Variants in KIF13A observed in about 807,000 individuals in gnomAD.
KIF13A encodes the protein kinesin-like protein KIF13A.
In KIF13A, 79 loss-of-function variants were observed where a neutral mutation model predicts 212.2. The observed-to-expected ratio is 0.37, with a 90% confidence interval of 0.31 to 0.45. The LOEUF (loss-of-function observed/expected upper bound fraction) is 0.45, where lower values mean the gene tolerates loss of function less well. Ranked by LOEUF, KIF13A falls within the 20% of genes least tolerant of loss-of-function variation. KIF13A has a pLI of 1.00. For missense variants in KIF13A, 1,901 were observed against 2,209.0 expected, an observed-to-expected ratio of 0.86 and a Z score of 2.79; for synonymous variants, 789 against 808.6, an observed-to-expected ratio of 0.98 and a Z score of 0.41.
At chr6:17,958,157 C>T (rs949307488) in intron 2 of KIF13A, among the ~76,000 whole-genome samples, 15 of 152,194 alleles carry the variant, frequency 9.9e-5, no homozygotes, top group Non-Finnish European at 2.2e-4. Flanking sequence ...AATTATACCT[C>T]AGGCACAAGG....
chr6:17,979,861 C>T (rs920718758), intron 2 of KIF13A, among the ~76,000 whole-genome samples: 3 of 151,010 alleles, frequency 2.0e-5, no homozygotes, highest in African/African-American at 7.3e-5. Context: ...AAACATAAGG[C>T]TTGTAAGATG....
At chr6:17,970,489 C>A (rs779885160) in intron 2 of KIF13A, among the ~76,000 whole-genome samples, 1 of 152,064 alleles carries the variant, frequency 6.6e-6, no homozygotes, top group Non-Finnish European at 1.5e-5. Context: ...GAGAGGAGAT[C>A]CAATGGCAGT....
intron 2 of KIF13A, among the ~76,000 whole-genome samples, chr6:17,933,354 C>G (rs1776174943): frequency 6.6e-6 from 1 of 151,826 alleles, no homozygotes; most frequent in South Asian, 2.1e-4. Flanking sequence ...TCAAGTGATA[C>G]TCCTGCCTCA....
chr6:17,857,361 T>A (rs1414129367), intron 4 of KIF13A, among the ~76,000 whole-genome samples: 1 of 152,214 alleles, frequency 6.6e-6, no homozygotes, highest in African/African-American at 2.4e-5. Flanking sequence ...GTTTCCCCTA[T>A]GCTGTTCTCA....
intron 2 of KIF13A, among the ~76,000 whole-genome samples, chr6:17,935,508 C>G (rs1308924447): frequency 1.3e-5 from 2 of 152,290 alleles, no homozygotes; most frequent in East Asian, 3.9e-4. Context: ...GCTGTGCAAA[C>G]TATTTTTCTA....
In KIF13A at chr6:17,969,470, A is replaced by C. The variant is rs180701660; in HGVS notation, c.146+17584T>G. The stretch of plus-strand genomic sequence containing the variant: ...AGCATAGGGGATTCATAGACTGCCA[A>C]TACTACTTAGTCGTAAATGATTTCT... On this transcript the variant is annotated intron_variant, in intron 2 of 38. Coordinates refer to ENST00000259711, the MANE Select transcript of KIF13A (RefSeq NM_022113.6). Among the ~76,000 whole-genome samples the C allele has an allele frequency of 4.6e-5, 7 of 152,354 alleles. No homozygotes were observed. In the East Asian group the frequency reaches 1.3e-3, roughly 29 times the overall value.
intron 2 of KIF13A, among the ~76,000 whole-genome samples, chr6:17,917,327 G>GCCT (rs1774619247): frequency 7.1e-6 from 1 of 140,262 alleles, no homozygotes; most frequent in African/African-American, 2.7e-5. Context: ...TGCAACCTCT[G>GCCT]CCTCCTGGGT....
rs557960743 is a variant in KIF13A at position 17,914,502 on chromosome 6, C to A, written c.147-16322G>T. Among the ~76,000 whole-genome samples, 1 of 152,248 alleles carries A rather than the reference C, an allele frequency of 6.6e-6. No individual in the cohort carries two copies. The highest frequency in any genetic ancestry group is 1.9e-4 in the East Asian group (1 of 5,190). On this transcript the variant is annotated intron_variant, in intron 2 of 38. Transcript: ENST00000259711. This position sits in a 1 kb window ranked among gnomAD's most constrained non-coding sequence, Gnocchi z 5.9. ...ATATGGGCATTTGCAAAATTAAAATCATACACATGCAAATGGGAAGTTTTA... is the reference window on the plus strand; with the variant it reads ...ATATGGGCATTTGCAAAATTAAAATAATACACATGCAAATGGGAAGTTTTA...
At chr6:17,916,986 T>C (rs1309969946) in intron 2 of KIF13A, among the ~76,000 whole-genome samples, 1 of 149,638 alleles carries the variant, frequency 6.7e-6, no homozygotes, top group African/African-American at 2.5e-5. Context: ...AAGCCACCAT[T>C]ACTATTGCAA....
At position 17,794,666 on chromosome 6, in the gene KIF13A, G is replaced by C. The variant is rs1386350732; in HGVS notation, c.2981C>G (p.Ser994Cys). The C allele has an allele frequency of 2.5e-6, 4 of 1,612,344 alleles. No individual in the cohort carries two copies. The highest frequency in any genetic ancestry group is 3.4e-6 in the Non-Finnish European group (4 of 1,179,518). Residue 994 changes from serine to cysteine, a missense_variant, in exon 24 of 39, where the codon TCC becomes TGC. Ser to Cys is a moderately radical substitution (Grantham distance 112). Around this residue, in one of 5 missense-constraint regions of KIF13A, gnomAD observed 168 missense variants for 250.9 expected, o/e 0.67. Transcript: ENST00000259711. This position sits in a 1 kb window ranked among gnomAD's most constrained non-coding sequence, Gnocchi z 4.1. ...TCCTAACTCATTCAATTCTAATATGGAGATCCACATTTCTATTCTTCGCGT... is the reference window on the plus strand; with the variant it reads ...TCCTAACTCATTCAATTCTAATATGCAGATCCACATTTCTATTCTTCGCGT... ...EVTRRIEMWI[S>C]ILELNELGEY... is the part of the protein sequence containing the mutation.
chr6:17,835,179 G>C (rs1562034824), intron 11 of KIF13A, among the ~76,000 whole-genome samples: 1 of 114,566 alleles, frequency 8.7e-6, no homozygotes, highest in Non-Finnish European at 1.7e-5. Context: ...GAGAGACTCT[G>C]TCCACCCGCC....
downstream of KIF13A, among the ~76,000 whole-genome samples, chr6:17,762,152 G>A (rs1001092418): frequency 2.1e-4 from 32 of 151,848 alleles, no homozygotes; most frequent in Admixed American, 8.5e-4. Flanking sequence ...TGATCTTCCC[G>A]CCTCAGCCTC....
intron 2 of KIF13A, among the ~76,000 whole-genome samples, chr6:17,977,114 C>CAAAAAAAAAAAAAAAAA (rs398000718): frequency 4.7e-5 from 5 of 106,694 alleles, no homozygotes; most frequent in Non-Finnish European, 9.6e-5. Flanking sequence ...AAAACAACAA[C>CAAAAAAAAAAAAAAAAA]AAAAAAAAAA....
chr6:17,986,645 G>A (rs1781577286), intron 2 of KIF13A, among the ~76,000 whole-genome samples: 1 of 152,230 alleles, frequency 6.6e-6, no homozygotes, highest in African/African-American at 2.4e-5. Flanking sequence ...AACAAACCCT[G>A]CAGTGATGAA....
intron 3 of KIF13A, among the ~76,000 whole-genome samples, chr6:17,875,627 G>T (rs1339288050): frequency 6.6e-6 from 1 of 151,804 alleles, no homozygotes; most frequent in Non-Finnish European, 1.5e-5. Flanking sequence ...GCTAATTTTT[G>T]TATTTTTAGT....
intron 2 of KIF13A, among the ~76,000 whole-genome samples, chr6:17,939,435 A>G (rs1032094431): frequency 6.6e-6 from 1 of 152,200 alleles, no homozygotes; most frequent in Non-Finnish European, 1.5e-5. Flanking sequence ...CACTGAACAT[A>G]GTCTTCTTTG....
At chr6:17,932,911 G>C (rs1776132306) in intron 2 of KIF13A, among the ~76,000 whole-genome samples, 1 of 151,872 alleles carries the variant, frequency 6.6e-6, no homozygotes, top group Non-Finnish European at 1.5e-5. Context: ...CCAAATCTCT[G>C]CCAACCCCAA....
At chr6:17,929,071 A>AC (rs1202151070) in intron 2 of KIF13A, among the ~76,000 whole-genome samples, 3 of 62,400 alleles carry the variant, frequency 4.8e-5, no homozygotes, top group Middle Eastern at 8.2e-3. Context: ...AAAAAAAAAA[A>AC]AAAAAAAAAA....
rs1173220465 is a variant in KIF13A, at chr6:17,984,586, T to G, written c.146+2468A>C. On this transcript the variant is annotated intron_variant, in intron 2 of 38. Coordinates refer to ENST00000259711, the MANE Select transcript of KIF13A (RefSeq NM_022113.6). This position sits in a 1 kb window ranked among gnomAD's most constrained non-coding sequence, Gnocchi z 5.0. ...AAACAATGAAAGCTGACCCCATCTG[T>G]TTTTTTTTTTTTTCCCTGGACGTCA... 4.2e-6 allele frequency: 2 copies of G among 478,638 alleles called. No individual in the cohort carries two copies. The highest frequency in any genetic ancestry group is 1.4e-4 in the Admixed American group (2 of 14,578). 29.6% of individuals were successfully genotyped at this position (478,638 alleles called of 1,614,324 possible).
Sources: allele counts gnomAD v4.1 joint callset (sites outside exome capture counted in the v4.1 genomes callset), GRCh38; gene constraint gnomAD v4.1.1; regional missense constraint gnomAD v4.1.1; non-coding constraint Gnocchi (gnomAD v3.1); transcripts MANE v1.5; gene names NCBI Gene and HGNC (gene_info 2026-07-23, HGNC 2026-07-21).